FKBP11: variants seen among roughly 807,000 people sequenced by gnomAD.
FKBP11 encodes peptidyl-prolyl cis-trans isomerase FKBP11.
In FKBP11, 21 loss-of-function variants were observed where a neutral mutation model predicts 24.7. The observed-to-expected ratio is 0.85, with a 90% CI of 0.60 to 1.23. The LOEUF (loss-of-function observed/expected upper bound fraction) is 1.23. Ranked by LOEUF, FKBP11 falls within the 50% of genes most tolerant of loss-of-function variation. The probability of loss-of-function intolerance (pLI) is 0.00; values close to 1 mark genes in which losing one functional copy is unlikely to be tolerated. For missense variants in FKBP11, 245 were observed against 248.7 expected (o/e 0.99, Z 0.10); for synonymous variants, 106 against 100.6 (o/e 1.05, Z -0.32).
chr12:48,932,255 ATATATATTTTTTTTTTTTTTT>A, the FKBP11 span, among the ~76,000 whole-genome samples: 5 of 37,602 alleles, frequency 1.3e-4, no homozygotes, highest in East Asian at 1.8e-3. Flanking sequence ...ATATATATAT[ATATATATTTTTTTTTTTTTTT>A]TTTTTTTTTT....
chr12:48,932,270 T>TAA, the FKBP11 span, among the ~76,000 whole-genome samples: 1 of 32,022 alleles, frequency 3.1e-5, no homozygotes, highest in Non-Finnish European at 6.2e-5. Flanking sequence ...TATTTTTTTT[T>TAA]TTTTTTTTTT....
chr12:48,925,421 AGGGTCATGACTGGGCGCG>A lies in FKBP11; in HGVS notation c.-11_7del. On this transcript the variant is annotated start_lost and 5_prime_UTR_variant, in exon 1 of 6. Transcript: ENST00000550765. ...ATGGAGCGGGAGGAGTGAGGGGCGCAGGGTCATGACTGGGCGCGGGGCAGGGAGCCGGGGCACCAGGAC... is the reference window on the plus strand; with the variant it reads ...ATGGAGCGGGAGGAGTGAGGGGCGCAGGGCAGGGAGCCGGGGCACCAGGAC... 1.3e-6 allele frequency: 2 copies of A among 1,569,196 alleles called. No homozygotes were observed. The highest frequency in any genetic ancestry group is 2.3e-5 in the South Asian group (2 of 85,746).
upstream of FKBP11, among the ~76,000 whole-genome samples, chr12:48,928,774 C>T (rs1432038583): frequency 4.0e-5 from 6 of 150,960 alleles, no homozygotes; most frequent in South Asian, 2.1e-4. Context: ...CCACCATGCA[C>T]GGCCCCCAGA....
At chr12:48,933,943 G>C in the FKBP11 span, among the ~76,000 whole-genome samples, 21 of 152,084 alleles carry the variant, frequency 1.4e-4, no homozygotes. Context: ...GCAATGGAAG[G>C]GGTGTCCCCC....
the FKBP11 span, among the ~76,000 whole-genome samples, chr12:48,934,980 T>C: frequency 7.1e-6 from 1 of 140,358 alleles, no homozygotes; most frequent in Non-Finnish European, 1.5e-5. Context: ...TATCGTGCCA[T>C]TGCCCTCCAG....
At chr12:48,925,017 G>GCC in intron 2 of FKBP11, 29 bp downstream of exon 2, 1 of 1,553,700 alleles carries the variant, frequency 6.4e-7, no homozygotes, top group Non-Finnish European at 8.8e-7. Flanking sequence ...CCCCTCCCAG[G>GCC]CCCCGCCCCG....
Position 48,925,452 on chromosome 12 carries a change from G to A in FKBP11, c.-24C>T. On this transcript the variant is annotated 5_prime_UTR_variant, in exon 1 of 6. Coordinates refer to ENST00000550765, the MANE Select transcript of FKBP11 (RefSeq NM_016594.3). Reference sequence around the variant, plus strand: ...ATGACTGGGCGCGGGGCAGGGAGCCGGGGCACCAGGACAGGCTGTTCGGGT... The same window carrying A: ...ATGACTGGGCGCGGGGCAGGGAGCCAGGGCACCAGGACAGGCTGTTCGGGT... 1 of 1,546,510 alleles carries A rather than the reference G, an allele frequency of 6.5e-7. No individual in the cohort carries two copies.
chr12:48,934,604 C>T, the FKBP11 span, among the ~76,000 whole-genome samples: 1 of 152,340 alleles, frequency 6.6e-6, no homozygotes, highest in African/African-American at 2.4e-5. Context: ...TCATCCTCTT[C>T]CCCAAGTTGT....
At chr12:48,931,641 C>T in the FKBP11 span, 2 of 617,566 alleles carry the variant, frequency 3.2e-6, no homozygotes, top group East Asian at 5.7e-5. Flanking sequence ...ACCACAGTAC[C>T]TGGGCTTCCA....
chr12:48,926,579 T>C (rs1386875149), upstream of FKBP11: 1 of 140,674 alleles, frequency 7.1e-6, no homozygotes, highest in Non-Finnish European at 1.5e-5. Flanking sequence ...CAGGCTGGAG[T>C]GCAATGGCGC....
At chr12:48,932,253 ATATATATATTT>A in the FKBP11 span, among the ~76,000 whole-genome samples, 2 of 38,456 alleles carry the variant, frequency 5.2e-5, no homozygotes, top group South Asian at 1.3e-3. Context: ...ATATATATAT[ATATATATATTT>A]TTTTTTTTTT....
chr12:48,932,277 T>C, the FKBP11 span, among the ~76,000 whole-genome samples: 2 of 65,436 alleles, frequency 3.1e-5, no homozygotes, highest in Non-Finnish European at 6.1e-5. Context: ...TTTTTTTTTT[T>C]TTTTTTTTTT....
chr12:48,938,085 T>C, the FKBP11 span: 2 of 293,112 alleles, frequency 6.8e-6, no homozygotes. Flanking sequence ...CACTCTAAGC[T>C]GATAAGAGTG....
At position 48,923,632 on chromosome 12, in the gene FKBP11, TGGCCCTGTAGATGGA is replaced by T. The variant is rs752717153; in HGVS notation, c.388+135_388+149del. 3 of 1,561,788 alleles carry T rather than the reference TGGCCCTGTAGATGGA, an allele frequency of 1.9e-6. No homozygotes were observed. The Admixed American group carries it at 5.8e-5, about 30-fold the overall frequency. On this transcript the variant is annotated intron_variant, in intron 5 of 5. Transcript: ENST00000550765. The stretch of plus-strand genomic sequence containing the variant: ...GTTGGTGATATGAGGAGGAAAAAGG[TGGCCCTGTAGATGGA>T]GGCCCCAGCCACTCCTATCTGTCTA...
In FKBP11 at chr12:48,925,370, G is replaced by A. The variant is rs868149948; in HGVS notation, c.59C>T (p.Ala20Val). The A allele has an allele frequency of 3.1e-6, 5 of 1,603,044 alleles. No individual in the cohort carries two copies. In the African/African-American group the frequency reaches 5.3e-5, roughly 17 times the overall value. ...LHLLLLLLLSAAVCRAEAGLE... is the reference protein window; with the variant it reads ...LHLLLLLLLSVAVCRAEAGLE... ...CCCAGCCTCAGCCCGGCACACCGCCGCACTGAGCAGCAGCAGCAGCAGCAG... is the reference window on the plus strand; with the variant it reads ...CCCAGCCTCAGCCCGGCACACCGCCACACTGAGCAGCAGCAGCAGCAGCAG... The change falls in exon 1 of 6, where the codon GCG becomes GTG. Residue 20 changes from alanine to valine, a missense_variant. Coordinates refer to ENST00000550765, the MANE Select transcript of FKBP11 (RefSeq NM_016594.3).
At chr12:48,932,249 ATATATATATATATTTTTTTTTT>A in the FKBP11 span, among the ~76,000 whole-genome samples, 11 of 36,904 alleles carry the variant, frequency 3.0e-4, no homozygotes, top group Non-Finnish European at 4.7e-4. Context: ...ATATATATAT[ATATATATATATATTTTTTTTTT>A]TTTTTTTTTT....
chr12:48,922,193 C>T lies in FKBP11; in HGVS notation c.397G>A (p.Val133Met). The T allele has an allele frequency of 1.2e-6, 2 of 1,611,792 alleles. No homozygotes were observed. The highest frequency in any genetic ancestry group is 1.7e-6 in the Non-Finnish European group (2 of 1,178,284). The change falls in exon 6 of 6, where the codon GTG (valine) becomes ATG (methionine). Residue 133 changes from valine to methionine, a missense_variant. Transcript: ENST00000550765. ...GFPPSVPADA[V>M]VQYDVELIAL... Reference sequence around the variant, plus strand: ...ATCAGCTCCACGTCATACTGCACCACTGCATCCGCTGGAGAGGCAGAGGGG... The same window carrying T: ...ATCAGCTCCACGTCATACTGCACCATTGCATCCGCTGGAGAGGCAGAGGGG...
the FKBP11 span, chr12:48,938,734 T>G: frequency 8.1e-6 from 5 of 618,346 alleles, no homozygotes; most frequent in South Asian, 2.0e-5. Context: ...TAAATTGGAA[T>G]GACTCATCAT....
the FKBP11 span, chr12:48,938,529 C>T: frequency 2.2e-6 from 1 of 450,794 alleles, no homozygotes; most frequent in South Asian, 1.6e-5. Flanking sequence ...CCATGTAAAA[C>T]AGGGAGAGGG....
Sources: allele counts gnomAD v4.1 joint callset (sites outside exome capture counted in the v4.1 genomes callset), GRCh38; gene constraint gnomAD v4.1.1; transcripts MANE v1.5; gene names NCBI Gene and HGNC (gene_info 2026-07-23, HGNC 2026-07-21).